The following RGS3 variants were observed in gnomAD, a reference collection of about 807,000 sequenced individuals.
RGS3 encodes the protein regulator of G protein signaling 3.
A neutral mutation model predicts 132.6 loss-of-function variants in RGS3; 80 were observed. That is an observed-to-expected ratio of 0.60 (90% confidence interval 0.50 to 0.73). The LOEUF (loss-of-function observed/expected upper bound fraction) is 0.73, where lower values mean the gene tolerates loss of function less well. RGS3 is among the 30% of genes least tolerant of loss of function. The probability of loss-of-function intolerance (pLI) is 0.00; values close to 1 mark genes in which losing one functional copy is unlikely to be tolerated. For synonymous variants in RGS3, 598 were observed against 620.6 expected (o/e 0.96, Z 0.54); for missense variants, 1,382 against 1,530.8 (o/e 0.90, Z 1.62).
At chr9:113,465,475 GTGTGTGCC>G (rs905800804) in intron 3 of RGS3, among the ~76,000 whole-genome samples, 6 of 151,670 alleles carry the variant, frequency 4.0e-5, no homozygotes, top group African/African-American at 1.5e-4. Flanking sequence ...GTGTGTGTGT[GTGTGTGCC>G]TGTGTGTATT....
At chr9:113,519,722 C>T (rs1388326683) in intron 16 of RGS3, among the ~76,000 whole-genome samples, 1 of 151,952 alleles carries the variant, frequency 6.6e-6, no homozygotes, top group African/African-American at 2.4e-5. Flanking sequence ...GAGCATTCTC[C>T]CTTACACTCA....
At chr9:113,539,273 G>A (rs902264197) in intron 19 of RGS3, among the ~76,000 whole-genome samples, 7 of 152,174 alleles carry the variant, frequency 4.6e-5, no homozygotes, top group African/African-American at 1.4e-4. Context: ...AACGGAGCCC[G>A]GAGGCTGGCT....
chr9:113,541,536 G>A (rs1317384592), intron 19 of RGS3: 2 of 1,536,088 alleles, frequency 1.3e-6, no homozygotes, highest in Admixed American at 1.9e-5. Context: ...GACCAAGATG[G>A]TGGGTCTAGG....
rs570557262 is a variant in RGS3, at chr9:113,597,147, C to T, written c.*194C>T. The T allele has an allele frequency of 6.6e-4, 371 of 560,572 alleles. No homozygotes were observed. The South Asian group carries it at 8.1e-3, about 12-fold the overall frequency. The allele number at this position is 560,572 out of a possible 1,614,324, so 34.7% of individuals were successfully genotyped here. On this transcript the variant is annotated 3_prime_UTR_variant, in exon 25 of 25. Coordinates refer to ENST00000350696, the Ensembl canonical transcript of RGS3. ...ACTGGAGGAGTAGAAGGATGGGCCC[C>T]GTGGGGTCCCCACTGCCCCGGTACG... is the stretch of plus-strand genomic sequence containing the variant.
chr9:113,496,366 A>G (rs1284363098), intron 8 of RGS3, among the ~76,000 whole-genome samples: 2 of 152,050 alleles, frequency 1.3e-5, no homozygotes, highest in African/African-American at 2.4e-5. Flanking sequence ...GTCCCTTATC[A>G]ATTTCTACGC....
At chr9:113,587,008 G>A (rs1049935121) in intron 20 of RGS3, among the ~76,000 whole-genome samples, 28 of 152,202 alleles carry the variant, frequency 1.8e-4, no homozygotes, top group African/African-American at 5.6e-4. Context: ...TACTGGCTGT[G>A]CCGCCATTCG....
intron 19 of RGS3, among the ~76,000 whole-genome samples, chr9:113,550,703 G>T (rs1833305361): frequency 1.3e-5 from 2 of 152,080 alleles, no homozygotes; most frequent in South Asian, 2.1e-4. Flanking sequence ...TTTTTAAATA[G>T]GTTCTTTTTT....
chr9:113,541,301 G>A, intron 19 of RGS3: 1 of 1,610,976 alleles, frequency 6.2e-7, no homozygotes, highest in Non-Finnish European at 8.5e-7. Context: ...GCTAATTCCA[G>A]TTCTGTCTGG....
intron 19 of RGS3, among the ~76,000 whole-genome samples, chr9:113,558,878 T>C (rs1232276590): frequency 1.3e-5 from 2 of 152,236 alleles, no homozygotes; most frequent in East Asian, 3.8e-4. Flanking sequence ...TGCAGACTGG[T>C]AACAAGCAGC....
At position 113,462,230 on chromosome 9, in the gene RGS3, TAGGAGAG is replaced by T. The variant is rs1829492311; in HGVS notation, c.415+30_415+36del. The T allele has an allele frequency of 5.2e-6, 8 of 1,553,368 alleles. No individual in the cohort carries two copies. In the Admixed American group the frequency reaches 1.5e-4, roughly 29 times the overall value. On this transcript the variant is annotated intron_variant, in intron 3 of 24. Transcript: ENST00000350696. ...AGTCCATCTGTCACTGGCTTGAGGC[TAGGAGAG>T]TGGACCTGCTCTTGTTAAAGGCAGT... is the stretch of plus-strand genomic sequence containing the variant.
chr9:113,498,255 C>T (rs781306369), intron 10 of RGS3, among the ~76,000 whole-genome samples, 175 bp downstream of exon 8: 4 of 152,202 alleles, frequency 2.6e-5, no homozygotes, highest in African/African-American at 4.8e-5. Flanking sequence ...AATAAATGCT[C>T]TTCTCAGGGT....
intron 16 of RGS3, among the ~76,000 whole-genome samples, chr9:113,521,755 G>A (rs990803677): frequency 2.0e-5 from 3 of 152,188 alleles, no homozygotes; most frequent in African/African-American, 7.2e-5. Flanking sequence ...GTAGGATAGA[G>A]TCTCAGAAGT....
chr9:113,468,151 C>T (rs79968622), intron 3 of RGS3, among the ~76,000 whole-genome samples: 2 of 152,170 alleles, frequency 1.3e-5, no homozygotes, highest in African/African-American at 4.8e-5. Flanking sequence ...AGAGATTTAC[C>T]TGTATGTTTT....
chr9:113,463,687 T>A lies in RGS3; in HGVS notation c.415+1486T>A, dbSNP rs1045832371. On this transcript the variant is annotated intron_variant, in intron 3 of 24. Coordinates refer to ENST00000350696, the Ensembl canonical transcript of RGS3. This position sits in a 1 kb window ranked among gnomAD's most constrained non-coding sequence, Gnocchi z 4.6. ...GGGCGCGCCCTGGCCGTTCCAACGC[T>A]TGGGGCAGCCCTACCTCCCGCTCGC... 1.4e-6 allele frequency: 2 copies of A among 1,384,840 alleles called. No homozygotes were observed. The highest frequency in any genetic ancestry group is 1.9e-6 in the Non-Finnish European group (2 of 1,068,572). The allele number at this position is 1,384,840 out of a possible 1,614,324, so 85.8% of individuals were successfully genotyped here.
At chr9:113,500,239 G>C (rs530678908) in intron 10 of RGS3, among the ~76,000 whole-genome samples, 148 of 152,338 alleles carry the variant, frequency 9.7e-4, no homozygotes, top group Non-Finnish European at 1.5e-3. Flanking sequence ...GGCCGGGGGA[G>C]AGCCCCCAGA....
chr9:113,583,617 T>G (rs1249372732), exon 20 of RGS3: 13 of 1,613,660 alleles, frequency 8.1e-6, no homozygotes, highest in African/African-American at 1.3e-5. Flanking sequence ...AGGAACCCGC[T>G]CCCAGCCAAG....
chr9:113,549,115 C>T (rs968748607), intron 19 of RGS3, among the ~76,000 whole-genome samples: 4 of 152,208 alleles, frequency 2.6e-5, no homozygotes, highest in Admixed American at 2.6e-4. Flanking sequence ...CCTGCCCCTC[C>T]CCAGGAACAA....
intron 17 of RGS3, among the ~76,000 whole-genome samples, chr9:113,527,393 A>G (rs954151986): frequency 2.6e-5 from 4 of 152,198 alleles, no homozygotes; most frequent in African/African-American, 9.7e-5. Context: ...TGGAAGGCCA[A>G]AGAAATGTCC....
intron 1 of RGS3, among the ~76,000 whole-genome samples, chr9:113,453,916 G>A (rs896542590): frequency 3.3e-5 from 5 of 151,472 alleles, no homozygotes; most frequent in Non-Finnish European, 5.9e-5. Flanking sequence ...CTGCAACCTC[G>A]AACTCCTGAG....
Sources: allele counts gnomAD v4.1 joint callset (sites outside exome capture counted in the v4.1 genomes callset), GRCh38; gene constraint gnomAD v4.1.1; non-coding constraint Gnocchi (gnomAD v3.1); transcripts MANE v1.5; gene names NCBI Gene and HGNC (gene_info 2026-07-23, HGNC 2026-07-21).